GRK3: variants seen among roughly 807,000 people sequenced by gnomAD.
GRK3 encodes G protein-coupled receptor kinase 3, also known as adrenergic, beta, receptor kinase 2.
GRK3 carries 54 observed loss-of-function variants against 95.7 expected under a neutral mutation model. The observed-to-expected ratio is 0.56, with a 90% CI of 0.45 to 0.71. The LOEUF is 0.71. Among genes scored for constraint, GRK3 ranks in the 30% least tolerant of loss-of-function variants. The pLI, the probability that GRK3 is intolerant of heterozygous loss-of-function variation, is 0.00. For missense variants in GRK3, 649 were observed against 851.2 expected, an observed-to-expected ratio of 0.76 and a Z score of 2.96; for synonymous variants, 281 against 290.8, an observed-to-expected ratio of 0.97 and a Z score of 0.34.
chr22:25,648,921 G>A, intron 3 of GRK3: 2 of 883,374 alleles, frequency 2.3e-6, no homozygotes, highest in Non-Finnish European at 3.9e-6. Flanking sequence ...CAAATGGACA[G>A]CTCCTGAAGT....
At chr22:25,590,620 GACTCTCCTGGCCAACATGTTGAA>G (rs1321320207) in intron 1 of GRK3, among the ~76,000 whole-genome samples, 1 of 152,068 alleles carries the variant, frequency 6.6e-6, no homozygotes, top group Non-Finnish European at 1.5e-5. Flanking sequence ...AAGAGATCGA[GACTCTCCTGGCCAACATGTTGAA>G]ACCTTATCTC....
intron 16 of GRK3, among the ~76,000 whole-genome samples, chr22:25,710,861 G>T (rs2146464081): frequency 6.6e-6 from 1 of 152,300 alleles, no homozygotes; most frequent in African/African-American, 2.4e-5. Flanking sequence ...TCTTTAATTT[G>T]TCTAAAATAT....
chr22:25,692,195 C>T (rs777035112), intron 12 of GRK3, among the ~76,000 whole-genome samples: 10 of 152,088 alleles, frequency 6.6e-5, no homozygotes, highest in South Asian at 2.1e-4. Context: ...CTCTAACTCC[C>T]GGACTCAAGC....
At chr22:25,685,434 C>T (rs1017830421) in intron 10 of GRK3, among the ~76,000 whole-genome samples, 186 bp downstream of exon 10, 3 of 152,196 alleles carry the variant, frequency 2.0e-5, no homozygotes, top group Admixed American at 6.5e-5. Flanking sequence ...TTGACTGCAA[C>T]GTCCTTCTGG....
At chr22:25,566,359 T>G (rs536406933) in intron 1 of GRK3, among the ~76,000 whole-genome samples, 1 of 152,360 alleles carries the variant, frequency 6.6e-6, no homozygotes, top group African/African-American at 2.4e-5. Context: ...AAATGTTACC[T>G]AATGCTAAGT....
At chr22:25,645,705 G>A (rs1457041403) in intron 3 of GRK3, among the ~76,000 whole-genome samples, 2 of 152,184 alleles carry the variant, frequency 1.3e-5, no homozygotes, top group East Asian at 1.9e-4. Flanking sequence ...GGTGGATCAC[G>A]AGGTCAGGAG....
intron 18 of GRK3, among the ~76,000 whole-genome samples, chr22:25,716,049 C>T (rs553849141): frequency 3.9e-5 from 6 of 152,172 alleles, no homozygotes; most frequent in African/African-American, 1.2e-4. Flanking sequence ...TGCAGTGGCG[C>T]GATCTCGGCT....
At chr22:25,706,138 T>C (rs752534709) in intron 15 of GRK3, among the ~76,000 whole-genome samples, 2 of 152,242 alleles carry the variant, frequency 1.3e-5, no homozygotes, top group Non-Finnish European at 2.9e-5. Context: ...TTGTTTTACT[T>C]GCCGATAGCA....
intron 2 of GRK3, among the ~76,000 whole-genome samples, chr22:25,630,390 ATCTC>A (rs775008461): frequency 1.3e-5 from 2 of 152,188 alleles, no homozygotes; most frequent in African/African-American, 4.8e-5. Flanking sequence ...ATTATTTTAA[ATCTC>A]TCTTATTTTA....
chr22:25,630,120 A>G (rs906271315), intron 2 of GRK3, among the ~76,000 whole-genome samples: 2 of 152,240 alleles, frequency 1.3e-5, no homozygotes, highest in African/African-American at 4.8e-5. Context: ...GTTCATAGCC[A>G]CATGAATTAT....
chr22:25,588,090 C>T (rs1266694916), intron 1 of GRK3, among the ~76,000 whole-genome samples: 92 of 152,116 alleles, frequency 6.0e-4, no homozygotes, highest in East Asian at 1.2e-3. Flanking sequence ...TGAGCCACCA[C>T]GCCCTGCCTG....
At chr22:25,596,861 G>A (rs1408042325) in intron 1 of GRK3, among the ~76,000 whole-genome samples, 6 of 152,054 alleles carry the variant, frequency 3.9e-5, no homozygotes. Flanking sequence ...TATTTTGTAG[G>A]CATTGAATCA....
chr22:25,653,118 GA>G (rs900922477), intron 3 of GRK3, among the ~76,000 whole-genome samples: 2 of 151,958 alleles, frequency 1.3e-5, no homozygotes, highest in African/African-American at 4.8e-5. Flanking sequence ...CTAATCAACA[GA>G]AAGGCAAAAA....
At chr22:25,662,612 A>G (rs1202356608) in intron 4 of GRK3, among the ~76,000 whole-genome samples, 1 of 152,194 alleles carries the variant, frequency 6.6e-6, no homozygotes, top group African/African-American at 2.4e-5. Context: ...TTCTTGCGGC[A>G]TGCACTGCTC....
Position 25,726,791 on chromosome 22 carries a change from T to C in GRK3, c.*4341T>C, listed in dbSNP as rs1298267670. On this transcript the variant is annotated 3_prime_UTR_variant, in exon 21 of 21. Coordinates refer to ENST00000324198, the MANE Select transcript of GRK3 (RefSeq NM_005160.4). ...AGCTGCTGAACTCATTCAGAAGCCA[T>C]TTGCTGCCTATCAGGACTTTCTGAA... is the stretch of plus-strand genomic sequence containing the variant. The C allele has an allele frequency of 6.6e-6, 1 of 152,150 alleles. No homozygotes were observed. Among genetic ancestry groups the C allele is most frequent in the Non-Finnish European group, 1.5e-5 (1 of 68,048 alleles). The allele number at this position is 152,150 out of a possible 1,614,324, so 9.4% of individuals were successfully genotyped here.
chr22:25,688,648 G>T (rs369150580), intron 11 of GRK3, among the ~76,000 whole-genome samples: 6 of 152,322 alleles, frequency 3.9e-5, no homozygotes, highest in African/African-American at 1.4e-4. Flanking sequence ...CACTCACCTT[G>T]AAAGCAATGA....
Position 25,728,938 on chromosome 22 carries a change from A to G in GRK3, c.*6488A>G, listed in dbSNP as rs953482437. ...AGTAACATATTTACTATATTCTTGAATACCCTTGAAGAAAGAAATCCGTTT... is the reference window on the plus strand; with the variant it reads ...AGTAACATATTTACTATATTCTTGAGTACCCTTGAAGAAAGAAATCCGTTT... On this transcript the variant is annotated 3_prime_UTR_variant, in exon 21 of 21. Transcript: ENST00000324198. The G allele has an allele frequency of 1.3e-5, 2 of 152,188 alleles. No homozygotes were observed. The highest frequency in any genetic ancestry group is 4.8e-5 in the African/African-American group (2 of 41,444). 9.4% of individuals were successfully genotyped at this position (152,188 alleles called of 1,614,324 possible). A position where few individuals can be genotyped will look rare whatever the true frequency, so the allele number is the denominator to read the frequency against.
At chr22:25,680,613 G>T (rs534761791) in intron 9 of GRK3, among the ~76,000 whole-genome samples, 2 of 152,220 alleles carry the variant, frequency 1.3e-5, no homozygotes, top group Non-Finnish European at 2.9e-5. Flanking sequence ...GTTTCTCACT[G>T]GTGTAACCCT....
intron 1 of GRK3, among the ~76,000 whole-genome samples, chr22:25,570,177 G>T (rs1931640074): frequency 6.6e-6 from 1 of 152,226 alleles, no homozygotes; most frequent in African/African-American, 2.4e-5. Context: ...TGCGAAAACG[G>T]TAATTATGAG....
Sources: allele counts gnomAD v4.1 joint callset (sites outside exome capture counted in the v4.1 genomes callset), GRCh38; gene constraint gnomAD v4.1.1; transcripts MANE v1.5; gene names NCBI Gene and HGNC (gene_info 2026-07-23, HGNC 2026-07-21).